The following SEMA3A variants were observed in gnomAD, a reference collection of about 807,000 sequenced individuals.
The protein encoded by SEMA3A is semaphorin 3A.
SEMA3A carries 29 observed loss-of-function variants against 97.9 expected under a neutral mutation model. The observed-to-expected ratio is 0.30, with a 90% CI of 0.22 to 0.40. The LOEUF is 0.40. SEMA3A is among the 10% of genes least tolerant of loss of function. The pLI is 1.00. For missense variants in SEMA3A, 763 were observed against 951.3 expected, an observed-to-expected ratio of 0.80 and a Z score of 2.60; for synonymous variants, 321 against 323.7, an observed-to-expected ratio of 0.99 and a Z score of 0.09.
chr7:84,031,426 T>C (rs1343906227), intron 6 of SEMA3A, among the ~76,000 whole-genome samples: 7 of 152,308 alleles, frequency 4.6e-5, no homozygotes, highest in East Asian at 1.9e-4. Flanking sequence ...ATTCTATACA[T>C]GAGTCAAAGA....
At chr7:84,008,731 C>G (rs1345042077) in intron 9 of SEMA3A, among the ~76,000 whole-genome samples, 2 of 152,086 alleles carry the variant, frequency 1.3e-5, no homozygotes, top group African/African-American at 2.4e-5. Flanking sequence ...GATTCATAGA[C>G]TGCAAGTTTC....
chr7:84,087,426 C>T (rs957072609), intron 4 of SEMA3A, among the ~76,000 whole-genome samples: 2 of 152,178 alleles, frequency 1.3e-5, no homozygotes, highest in Non-Finnish European at 2.9e-5. Flanking sequence ...CTACTTCATG[C>T]CAGGGGCTAG....
At chr7:84,010,706 A>T (rs1790843249) in intron 9 of SEMA3A, among the ~76,000 whole-genome samples, 1 of 146,466 alleles carries the variant, frequency 6.8e-6, no homozygotes, top group South Asian at 2.2e-4. Flanking sequence ...CAAAACTCAG[A>T]CTTCCATCTG....
intron 6 of SEMA3A, among the ~76,000 whole-genome samples, chr7:84,044,545 GA>G (rs1792272796): frequency 6.6e-6 from 1 of 152,008 alleles, no homozygotes; most frequent in Non-Finnish European, 1.5e-5. Flanking sequence ...AGAAGAGATT[GA>G]AAAAGAATGG....
intron 1 of SEMA3A, among the ~76,000 whole-genome samples, chr7:84,441,010 T>C (rs1805258495): frequency 6.6e-6 from 1 of 151,758 alleles, no homozygotes; most frequent in Non-Finnish European, 1.5e-5. Flanking sequence ...AATACAAAAT[T>C]ATCCGGGCGT....
chr7:83,972,050 T>A (rs1447853821), intron 15 of SEMA3A, among the ~76,000 whole-genome samples: 1 of 151,524 alleles, frequency 6.6e-6, no homozygotes, highest in African/African-American at 2.4e-5. Flanking sequence ...TGTATATATA[T>A]ACACACACAT....
chr7:84,449,672 G>C (rs10237431), intron 1 of SEMA3A, among the ~76,000 whole-genome samples: 2 of 152,040 alleles, frequency 1.3e-5, no homozygotes, highest in South Asian at 4.2e-4. Flanking sequence ...TATACGTTGA[G>C]TATATTAATA....
intron 1 of SEMA3A, among the ~76,000 whole-genome samples, chr7:84,405,708 G>C (rs556743231): frequency 8.5e-5 from 13 of 152,286 alleles, no homozygotes; most frequent in Non-Finnish European, 1.5e-4. Context: ...TCAGACCACA[G>C]TGCAATCAAA....
chr7:84,273,129 T>C (rs1800194861), intron 3 of SEMA3A, among the ~76,000 whole-genome samples: 1 of 152,066 alleles, frequency 6.6e-6, no homozygotes, highest in Non-Finnish European at 1.5e-5. Flanking sequence ...ATAACACTGC[T>C]CTTTCAGATG....
chr7:84,281,875 A>G (rs1800446996), intron 3 of SEMA3A, among the ~76,000 whole-genome samples: 1 of 152,188 alleles, frequency 6.6e-6, no homozygotes, highest in African/African-American at 2.4e-5. Flanking sequence ...CTAGAATTCA[A>G]CAAATATTCA....
intron 3 of SEMA3A, among the ~76,000 whole-genome samples, chr7:84,128,102 T>C (rs1795855961): frequency 6.6e-6 from 1 of 152,178 alleles, no homozygotes; most frequent in Non-Finnish European, 1.5e-5. Context: ...GACAGTTTAC[T>C]TTACAAAAAA....
rs868825026 is a variant in SEMA3A at position 83,984,432 on chromosome 7, G to A, written c.1494+1004C>T. On this transcript the variant is annotated intron_variant, in intron 13 of 16. Transcript: ENST00000265362. ...TCTGTGTAGGAAAAGGATATACACT[G>A]AATTTTACTGGCAGAGTAATTTAGT... Among the ~76,000 whole-genome samples, 53 of 152,146 alleles carry A rather than the reference G, an allele frequency of 3.5e-4. 1 individual carries two copies. Among genetic ancestry groups the A allele is most frequent in the African/African-American group, 1.3e-3 (52 of 41,546 alleles).
intron 4 of SEMA3A, among the ~76,000 whole-genome samples, chr7:84,110,136 AAGG>A (rs1795233207): frequency 6.6e-6 from 1 of 152,150 alleles, no homozygotes; most frequent in Admixed American, 6.6e-5. Context: ...GAGGATGGAA[AAGG>A]AGGAGAAGGC....
At position 84,372,401 on chromosome 7, in the gene SEMA3A, C is replaced by T. The variant is rs1652837938; in HGVS notation, c.-245-501G>A. ...TTTCTTACAATTATCCTCAAATGCTCTTAAACTTAAAGGCTTAGTGTTTTG... is the reference window on the plus strand; with the variant it reads ...TTTCTTACAATTATCCTCAAATGCTTTTAAACTTAAAGGCTTAGTGTTTTG... On this transcript the variant is annotated intron_variant, in intron 1 of 3. Coordinates refer to the SEMA3A transcript ENST00000424555. 3 of 152,182 alleles carry T rather than the reference C, an allele frequency of 2.0e-5. 1 individual carries two copies. In the South Asian group the frequency reaches 6.2e-4, roughly 32 times the overall value. 9.4% of individuals were successfully genotyped at this position (152,182 alleles called of 1,614,324 possible).
intron 6 of SEMA3A, among the ~76,000 whole-genome samples, chr7:84,042,043 A>G (rs531835858): frequency 6.6e-6 from 1 of 152,116 alleles, no homozygotes; most frequent in Non-Finnish European, 1.5e-5. Flanking sequence ...GGTAACGTGT[A>G]ATGTTAACTT....
At chr7:84,313,826 T>C (rs1265006091) in intron 2 of SEMA3A, among the ~76,000 whole-genome samples, 2 of 152,016 alleles carry the variant, frequency 1.3e-5, no homozygotes, top group Non-Finnish European at 2.9e-5. Context: ...TATTGACTCA[T>C]AGTTCTTTGG....
chr7:84,323,915 C>T (rs1323339977), intron 2 of SEMA3A, among the ~76,000 whole-genome samples: 1 of 152,090 alleles, frequency 6.6e-6, no homozygotes, highest in East Asian at 1.9e-4. Context: ...TTCTTTGTGA[C>T]TTTAAAATCA....
chr7:84,124,543 T>A (rs1038112546), intron 3 of SEMA3A, among the ~76,000 whole-genome samples: 25 of 152,174 alleles, frequency 1.6e-4, no homozygotes, highest in African/African-American at 6.0e-4. Flanking sequence ...TTACCCAAGA[T>A]ACAGTGCAGA....
chr7:84,433,239 C>A (rs1211768475), intron 1 of SEMA3A, among the ~76,000 whole-genome samples: 1 of 151,160 alleles, frequency 6.6e-6, no homozygotes, highest in East Asian at 2.0e-4. Flanking sequence ...CTCCCACCCC[C>A]CGACAGGCCC....
Sources: gnomAD v4.1 joint callset for allele counts (sites outside exome capture counted in the v4.1 genomes callset) on GRCh38, gnomAD v4.1.1 for gene constraint, MANE v1.5 for transcripts, NCBI Gene and HGNC (gene_info 2026-07-23, HGNC 2026-07-21) for gene names.